The following P2RY8 variants were observed in gnomAD, a reference collection of about 807,000 sequenced individuals.
P2RY8 encodes the protein P2Y receptor family member 8.
A neutral mutation model predicts 10.0 loss-of-function variants in P2RY8; 6 were observed. The ratio of observed to expected loss-of-function variants is 0.60; its 90% CI spans 0.33 to 1.19. The LOEUF (loss-of-function observed/expected upper bound fraction) is 1.19, where lower values mean the gene tolerates loss of function less well. Among genes scored for constraint, P2RY8 ranks in the 50% most tolerant of loss-of-function variants. The probability of loss-of-function intolerance (pLI) is 0.04; values close to 1 mark genes in which losing one functional copy is unlikely to be tolerated. For missense variants in P2RY8, 456 were observed against 542.0 expected (o/e 0.84, Z 1.58); for synonymous variants, 276 against 252.5 (o/e 1.09, Z -0.88).
At chrX:1,502,869 G>A (rs1232527623) in intron 1 of P2RY8, among the ~76,000 whole-genome samples, 9 of 150,780 alleles carry the variant, frequency 6.0e-5, no homozygotes, top group African/African-American at 2.2e-4. Flanking sequence ...GAGCCCCCAG[G>A]AGCTGGGAGA....
intron 1 of P2RY8, among the ~76,000 whole-genome samples, chrX:1,508,760 TA>T (rs1411253468): frequency 3.6e-5 from 5 of 137,160 alleles, no homozygotes; most frequent in African/African-American, 1.3e-4. Context: ...CTATTTCTAT[TA>T]TCTATCTATC....
chrX:1,509,781 C>T (rs185776725), intron 1 of P2RY8, among the ~76,000 whole-genome samples: 12,378 of 96,170 alleles, frequency 0.13, 1,028 homozygotes, highest in Middle Eastern at 0.21. Flanking sequence ...ATCTATCTAT[C>T]ATCTATGTAT....
chrX:1,487,479 G>C (rs1253661016), intron 1 of P2RY8, among the ~76,000 whole-genome samples: 1 of 152,152 alleles, frequency 6.6e-6, no homozygotes, highest in Admixed American at 6.6e-5. Context: ...AGTGACAAGG[G>C]GCGTGGTGCT....
At chrX:1,536,024 C>T (rs2092523635) in intron 1 of P2RY8, among the ~76,000 whole-genome samples, 1 of 152,132 alleles carries the variant, frequency 6.6e-6, no homozygotes, top group South Asian at 2.1e-4. Flanking sequence ...CCACCGTGCT[C>T]ATCCAGGCAC....
intron 1 of P2RY8, among the ~76,000 whole-genome samples, chrX:1,479,581 G>T (rs758920639): frequency 3.2e-4 from 49 of 152,224 alleles, no homozygotes; most frequent in African/African-American, 9.4e-4. Context: ...GAAGAAGAAA[G>T]AAATAAATCA....
chrX:1,467,726 G>A (rs2091709136), intron 1 of P2RY8, among the ~76,000 whole-genome samples: 1 of 152,236 alleles, frequency 6.6e-6, no homozygotes, highest in African/African-American at 2.4e-5. Context: ...GCCCAGGCTG[G>A]AGGGCAGTAG....
chrX:1,480,910 A>G (rs1301969315), intron 1 of P2RY8, among the ~76,000 whole-genome samples: 4 of 152,102 alleles, frequency 2.6e-5, no homozygotes, highest in African/African-American at 9.7e-5. Flanking sequence ...CACTGGAAAA[A>G]AAAAAAACCA....
In P2RY8 at chrX:1,518,658, A is replaced by G. The variant is rs1253626551; in HGVS notation, c.-25+18263T>C. On this transcript the variant is annotated intron_variant, in intron 1 of 1. Coordinates refer to ENST00000381297, the MANE Select transcript of P2RY8 (RefSeq NM_178129.5). ...GCCCTGATCATCTTGTTTGTCCCCAATCTTCTCTCTGGTTCCCTAAAATCT... is the reference window on the plus strand; with the variant it reads ...GCCCTGATCATCTTGTTTGTCCCCAGTCTTCTCTCTGGTTCCCTAAAATCT... 6.6e-5 allele frequency among the ~76,000 whole-genome samples: 10 copies of G among 151,298 alleles called. No individual in the cohort carries two copies. The East Asian group carries it at 1.6e-3, about 24-fold the overall frequency.
chrX:1,481,998 G>A (rs1302270777), intron 1 of P2RY8, among the ~76,000 whole-genome samples: 4 of 152,176 alleles, frequency 2.6e-5, no homozygotes, highest in African/African-American at 9.6e-5. Flanking sequence ...GACGCCCCGT[G>A]GAGATTTTGA....
chrX:1,526,520 G>A (rs1184713756), intron 1 of P2RY8, among the ~76,000 whole-genome samples: 2 of 150,312 alleles, frequency 1.3e-5, no homozygotes, highest in African/African-American at 4.9e-5. Context: ...ATCCATGCAT[G>A]GATGGATGGA....
At chrX:1,466,929 G>A (rs1462915942) in intron 1 of P2RY8, among the ~76,000 whole-genome samples, 1 of 121,004 alleles carries the variant, frequency 8.3e-6, no homozygotes, top group Non-Finnish European at 1.6e-5. Flanking sequence ...GGATCAGGGA[G>A]GTCATTGGAG....
chrX:1,526,314 T>G (rs1180125235), intron 1 of P2RY8, among the ~76,000 whole-genome samples: 1 of 149,850 alleles, frequency 6.7e-6, no homozygotes, highest in African/African-American at 2.5e-5. Context: ...ATCCAGCCGC[T>G]CATCCACCCA....
intron 1 of P2RY8, among the ~76,000 whole-genome samples, chrX:1,493,867 C>A (rs1274572495): frequency 6.6e-6 from 1 of 152,186 alleles, no homozygotes; most frequent in African/African-American, 2.4e-5. Context: ...CTCTCTGCGA[C>A]CCTCGAGAGC....
Position 1,501,259 on chromosome X carries a change from C to G in P2RY8, c.-24-34677G>C, listed in dbSNP as rs1191742818. ...GTCCGACTTCAAGGGACGTAAATAT[C>G]AGACCCCTGGAAGCACTCTGTGCAT... On this transcript the variant is annotated intron_variant, in intron 1 of 1. Coordinates refer to ENST00000381297, the MANE Select transcript of P2RY8 (RefSeq NM_178129.5). 2.0e-5 allele frequency among the ~76,000 whole-genome samples: 3 copies of G among 152,208 alleles called. No individual in the cohort carries two copies. The East Asian group carries it at 5.8e-4, about 29-fold the overall frequency.
Position 1,526,306 on chromosome X carries a change from C to G in P2RY8, c.-25+10615G>C, listed in dbSNP as rs778212942. ...ATTCACTCATTCATTCATTCCTTAT[C>G]CAGCCGCTCATCCACCCATCCATTC... On this transcript the variant is annotated intron_variant, in intron 1 of 1. Transcript: ENST00000381297. Among the ~76,000 whole-genome samples the G allele has an allele frequency of 2.8e-3, 423 of 151,158 alleles. 4 individuals carry two copies. Among genetic ancestry groups the G allele is most frequent in the African/African-American group, 9.6e-3 (396 of 41,154 alleles).
intron 1 of P2RY8, among the ~76,000 whole-genome samples, chrX:1,496,220 G>A (rs1231579561): frequency 6.6e-6 from 1 of 152,182 alleles, no homozygotes; most frequent in South Asian, 2.1e-4. Flanking sequence ...CTGAATGGAC[G>A]TCAACTTGGG....
At chrX:1,504,619 AG>A (rs1420655070) in intron 1 of P2RY8, among the ~76,000 whole-genome samples, 2 of 152,288 alleles carry the variant, frequency 1.3e-5, no homozygotes, top group Admixed American at 1.3e-4. Flanking sequence ...TGGGAGTCTG[AG>A]GCAGGTGGAT....
intron 1 of P2RY8, among the ~76,000 whole-genome samples, chrX:1,509,920 A>C (rs1356209315): frequency 6.6e-6 from 1 of 150,914 alleles, no homozygotes; most frequent in Admixed American, 6.6e-5. Flanking sequence ...CTTCTCTATC[A>C]TCTATGTATC....
Position 1,463,890 on chromosome X carries a change from G to T in P2RY8, c.*1589C>A, listed in dbSNP as rs1426682304. The T allele has an allele frequency of 4.3e-6, 1 of 233,250 alleles. No homozygotes were observed. 14.4% of individuals were successfully genotyped at this position (233,250 alleles called of 1,614,324 possible). The stretch of plus-strand genomic sequence containing the variant: ...TTGGGCCCATTGTAAATGCAGTATG[G>T]CCTCGCCTTACTTAATTACATTTGG... On this transcript the variant is annotated 3_prime_UTR_variant, in exon 2 of 2. Transcript: ENST00000381297.
Sources: gnomAD v4.1 joint callset for allele counts (sites outside exome capture counted in the v4.1 genomes callset) on GRCh38, gnomAD v4.1.1 for gene constraint, MANE v1.5 for transcripts, NCBI Gene and HGNC (gene_info 2026-07-23, HGNC 2026-07-21) for gene names.